The following UNC5C variants were observed in gnomAD, a reference collection of about 807,000 sequenced individuals.
UNC5C encodes unc-5 netrin receptor C.
Under a neutral mutation model 99.8 loss-of-function variants are expected in UNC5C, and 47 were observed. That is an observed-to-expected ratio of 0.47 (90% confidence interval 0.37 to 0.60). UNC5C has a LOEUF of 0.60. Among genes scored for constraint, UNC5C ranks in the 20% least tolerant of loss-of-function variants. The pLI is 0.00. For missense variants in UNC5C, 1,062 were observed against 1,165.9 expected, an observed-to-expected ratio of 0.91 and a Z score of 1.30; for synonymous variants, 487 against 452.2, an observed-to-expected ratio of 1.08 and a Z score of -0.98.
At chr4:95,364,753 G>C (rs2149436309) in intron 1 of UNC5C, among the ~76,000 whole-genome samples, 1 of 152,238 alleles carries the variant, frequency 6.6e-6, no homozygotes, top group South Asian at 2.1e-4. Context: ...CATCAAAAGT[G>C]TCTACAGCAG....
At chr4:95,420,642 T>C (rs1384865) in intron 1 of UNC5C, among the ~76,000 whole-genome samples, 194 of 152,174 alleles carry the variant, frequency 1.3e-3, no homozygotes, top group African/African-American at 4.4e-3. Flanking sequence ...CCTATAAGAG[T>C]AAACAATTTC....
intron 1 of UNC5C, among the ~76,000 whole-genome samples, chr4:95,436,071 A>G (rs1254669791): frequency 4.6e-5 from 7 of 151,992 alleles, no homozygotes; most frequent in Admixed American, 1.3e-4. Flanking sequence ...AAAGTGTCCT[A>G]TAATAGAGAT....
chr4:95,520,417 T>C (rs1722323043), intron 1 of UNC5C, among the ~76,000 whole-genome samples: 1 of 152,118 alleles, frequency 6.6e-6, no homozygotes, highest in South Asian at 2.1e-4. Flanking sequence ...AGCTCCAAAA[T>C]GCATAATGGT....
At chr4:95,292,004 T>C (rs556259880) in intron 3 of UNC5C, among the ~76,000 whole-genome samples, 1 of 151,968 alleles carries the variant, frequency 6.6e-6, no homozygotes, top group Non-Finnish European at 1.5e-5. Context: ...GAACTGTTTA[T>C]AGTATGACCT....
chr4:95,332,868 T>G (rs1004930892), intron 2 of UNC5C, among the ~76,000 whole-genome samples: 10 of 151,582 alleles, frequency 6.6e-5, no homozygotes, highest in African/African-American at 2.2e-4. Flanking sequence ...TCAAACAAAT[T>G]TACAAGAAAA....
At chr4:95,189,565 G>A (rs1360319305) in intron 12 of UNC5C, among the ~76,000 whole-genome samples, 1 of 152,160 alleles carries the variant, frequency 6.6e-6, no homozygotes, top group Non-Finnish European at 1.5e-5. Flanking sequence ...CCTACAGAAT[G>A]GGAGAAAATT....
intron 1 of UNC5C, among the ~76,000 whole-genome samples, chr4:95,486,072 T>C (rs963510296): frequency 6.6e-5 from 10 of 151,824 alleles, no homozygotes; most frequent in Non-Finnish European, 4.4e-5. Flanking sequence ...ATAATTTATA[T>C]GATTTAATCA....
intron 3 of UNC5C, among the ~76,000 whole-genome samples, chr4:95,288,584 C>T (rs1741328336): frequency 6.6e-6 from 1 of 152,242 alleles, no homozygotes; most frequent in Middle Eastern, 3.4e-3. Context: ...TTCTAAAGGC[C>T]AAATAATTGA....
chr4:95,211,457 C>T (rs1304288986), intron 10 of UNC5C, among the ~76,000 whole-genome samples: 3 of 152,232 alleles, frequency 2.0e-5, no homozygotes, highest in Non-Finnish European at 2.9e-5. Context: ...TTGAGGGACA[C>T]TGATAGAAGC....
At chr4:95,343,123 G>A (rs1232717496) in intron 1 of UNC5C, among the ~76,000 whole-genome samples, 7 of 152,068 alleles carry the variant, frequency 4.6e-5, no homozygotes, top group Non-Finnish European at 7.4e-5. Flanking sequence ...CAAAGGCCTG[G>A]CTAGTTTTGC....
chr4:95,217,627 A>AT (rs556145343), intron 9 of UNC5C, among the ~76,000 whole-genome samples: 221 of 152,362 alleles, frequency 1.5e-3, no homozygotes, highest in Admixed American at 3.3e-3. Flanking sequence ...AATTTAAAAC[A>AT]TGCTAGCTCA....
At chr4:95,265,977 C>T (rs951750183) in intron 4 of UNC5C, among the ~76,000 whole-genome samples, 14 of 152,188 alleles carry the variant, frequency 9.2e-5, no homozygotes, top group Non-Finnish European at 1.5e-5. Flanking sequence ...ACTAACTTGA[C>T]CCTACACAAA....
chr4:95,532,449 T>TAAA (rs372395809), intron 1 of UNC5C, among the ~76,000 whole-genome samples: 3,490 of 141,386 alleles, frequency 0.025, 127 homozygotes, highest in East Asian at 0.11. Flanking sequence ...CCAACATCAT[T>TAAA]AAAAAAAAAA....
In UNC5C at chr4:95,219,269, A is replaced by G. The variant is rs752182179; in HGVS notation, c.1345T>C (p.Tyr449His). 1.9e-6 allele frequency: 3 copies of G among 1,613,996 alleles called. No homozygotes were observed. Among genetic ancestry groups the G allele is most frequent in the African/African-American group, 1.3e-5 (1 of 74,900 alleles). Reference protein sequence around the residue: ...PPDLTSAAAMYRGPVYALHDV... With the variant: ...PPDLTSAAAMHRGPVYALHDV... ...TGCAGGGCATAGACAGGTCCTCTGT[A>G]CATGGCTGCAGCTGACGTGAGGTCT... The change falls in exon 9 of 16, where the codon TAC becomes CAC. Residue 449 changes from tyrosine (Y) to histidine (H), a missense_variant. By Grantham distance (83) the Tyr-to-His change is moderately conservative (BLOSUM62 2). Around this residue, in one of 3 missense-constraint regions of UNC5C, gnomAD observed 810 missense variants for 854.5 expected, o/e 0.95. Coordinates refer to ENST00000453304, the MANE Select transcript of UNC5C (RefSeq NM_003728.4).
intron 1 of UNC5C, among the ~76,000 whole-genome samples, chr4:95,411,735 T>A (rs1369547101): frequency 6.6e-6 from 1 of 152,170 alleles, no homozygotes; most frequent in Non-Finnish European, 1.5e-5. Context: ...GTTGGCTAAG[T>A]GATATTTAGG....
At chr4:95,280,382 A>G (rs1222854753) in intron 3 of UNC5C, among the ~76,000 whole-genome samples, 2 of 152,180 alleles carry the variant, frequency 1.3e-5, no homozygotes, top group African/African-American at 4.8e-5. Flanking sequence ...AAGACATTGA[A>G]TATATTGTAG....
chr4:95,174,689 T>G (rs1050002163), intron 14 of UNC5C, among the ~76,000 whole-genome samples: 26 of 150,160 alleles, frequency 1.7e-4, no homozygotes, highest in African/African-American at 6.4e-4. Context: ...GGAATAGGTG[T>G]GGTGTGGTGC....
chr4:95,242,510 G>A lies in UNC5C; in HGVS notation c.1027C>T (p.Pro343Ser). 3 of 1,613,642 alleles carry A rather than the reference G, an allele frequency of 1.9e-6. No individual in the cohort carries two copies. The highest frequency in any genetic ancestry group is 2.5e-6 in the Non-Finnish European group (3 of 1,179,796). Reference sequence around the variant, plus strand: ...TCCTTGCCTCCATTCTTGGGGGCTGGCGCCGTGCACTCCCTCCTGCGCCAG... The same window carrying A: ...TCCTTGCCTCCATTCTTGGGGGCTGACGCCGTGCACTCCCTCCTGCGCCAG... ...THWRRRECTA[P>S]APKNGGKDCD... The change falls in exon 7 of 16, where the codon CCA becomes TCA. Residue 343 changes from proline (P) to serine (S), a missense_variant. Physicochemically the swap from Pro to Ser is moderately conservative, Grantham distance 74 (BLOSUM62 -1). Around this residue, in one of 3 missense-constraint regions of UNC5C, gnomAD observed 810 missense variants for 854.5 expected, o/e 0.95. Coordinates refer to ENST00000453304, the MANE Select transcript of UNC5C (RefSeq NM_003728.4).
intron 7 of UNC5C, among the ~76,000 whole-genome samples, chr4:95,238,779 C>T (rs932691725): frequency 2.0e-5 from 3 of 152,158 alleles, no homozygotes; most frequent in Admixed American, 6.5e-5. Context: ...ATAAGATCTA[C>T]ATTCCAGTTT....
Sources: gnomAD v4.1 joint callset for allele counts (sites outside exome capture counted in the v4.1 genomes callset) on GRCh38, gnomAD v4.1.1 for gene constraint, gnomAD v4.1.1 regional missense constraint, MANE v1.5 for transcripts, NCBI Gene and HGNC (gene_info 2026-07-23, HGNC 2026-07-21) for gene names.